The following FAXC variants were observed in gnomAD, a reference collection of about 807,000 sequenced individuals.
FAXC encodes failed axon connections homolog.
FAXC carries 10 observed loss-of-function variants against 41.9 expected under a neutral mutation model. The ratio of observed to expected loss-of-function variants is 0.24; its 90% CI spans 0.15 to 0.41. The LOEUF (loss-of-function observed/expected upper bound fraction) is 0.41. FAXC is among the 10% of genes least tolerant of loss of function. The pLI is 1.00. For synonymous variants in FAXC, 183 were observed against 183.8 expected (o/e 1.00, Z 0.03); for missense variants, 399 against 510.9 (o/e 0.78, Z 2.11).
intron 4 of FAXC, among the ~76,000 whole-genome samples, chr6:99,302,198 A>G (rs771064225): frequency 1.3e-5 from 2 of 152,238 alleles, no homozygotes; most frequent in African/African-American, 2.4e-5. Context: ...ATTTCTTGCC[A>G]CATGGACCTC....
In FAXC at chr6:99,275,324, A is replaced by G. The variant is rs1189323399; in HGVS notation, c.*5840T>C. ...ATTCTTTGCTAAAATTATTGTGTAC[A>G]GAACACCAAAGTACCGTATCCATCT... On this transcript the variant is annotated 3_prime_UTR_variant, in exon 6 of 6. Transcript: ENST00000389677. The G allele has an allele frequency of 6.6e-6, 1 of 152,240 alleles. No individual in the cohort carries two copies. Among genetic ancestry groups the G allele is most frequent in the Admixed American group, 6.5e-5 (1 of 15,286 alleles). 9.4% of individuals were successfully genotyped at this position (152,240 alleles called of 1,614,324 possible).
At chr6:99,296,860 C>T (rs1240928742) in intron 4 of FAXC, among the ~76,000 whole-genome samples, 1 of 152,120 alleles carries the variant, frequency 6.6e-6, no homozygotes. Flanking sequence ...TGGAAAATGA[C>T]AGTTGGCCCT....
intron 5 of FAXC, among the ~76,000 whole-genome samples, chr6:99,282,069 G>GA (rs1001160903): frequency 6.6e-6 from 1 of 152,314 alleles, no homozygotes; most frequent in African/African-American, 2.4e-5. Context: ...ATGAAATGAA[G>GA]AAGTGAGTCC....
chr6:99,281,480 T>C, intron 5 of FAXC, 27 bp from the exon 6 acceptor site: 1 of 1,565,858 alleles, frequency 6.4e-7, no homozygotes, highest in Non-Finnish European at 8.8e-7. Flanking sequence ...AAAGCAAGGA[T>C]TAGTTCTCAA....
At chr6:99,340,670 T>A (rs1773391954) in intron 2 of FAXC, among the ~76,000 whole-genome samples, 2 of 57,060 alleles carry the variant, frequency 3.5e-5, no homozygotes, top group Non-Finnish European at 6.8e-5. Context: ...AAATTCCTTT[T>A]TTTTTTTTTT....
intron 4 of FAXC, among the ~76,000 whole-genome samples, chr6:99,306,316 C>A (rs1771918649): frequency 6.6e-6 from 1 of 152,090 alleles, no homozygotes; most frequent in Non-Finnish European, 1.5e-5. Flanking sequence ...TTTGAAAGCC[C>A]AGTGGAAATG....
chr6:99,304,309 T>C (rs917731911), intron 4 of FAXC, among the ~76,000 whole-genome samples: 1 of 150,538 alleles, frequency 6.6e-6, no homozygotes, highest in African/African-American at 2.4e-5. Flanking sequence ...ATAAATAAAA[T>C]AATTTAAAAA....
At chr6:99,342,634 G>T (rs746914172) in intron 2 of FAXC, among the ~76,000 whole-genome samples, 1 of 152,186 alleles carries the variant, frequency 6.6e-6, no homozygotes, top group African/African-American at 2.4e-5. Context: ...GTGAACCACC[G>T]TGCCCAGCCC....
chr6:99,325,440 T>C (rs1772764057), intron 3 of FAXC, among the ~76,000 whole-genome samples: 1 of 152,228 alleles, frequency 6.6e-6, no homozygotes. Flanking sequence ...TGTGACTCTT[T>C]TGGTAAGTCT....
At chr6:99,283,688 C>T (rs1770914360) in intron 5 of FAXC, among the ~76,000 whole-genome samples, 2 of 152,110 alleles carry the variant, frequency 1.3e-5, no homozygotes. Flanking sequence ...AACGCCTCAC[C>T]AGGTATTGCT....
At position 99,325,652 on chromosome 6, in the gene FAXC, A is replaced by G. The variant is rs571965745; in HGVS notation, c.600-1985T>C. ...TACTTGCTCCTTTTTTCACACCTGC[A>G]GTAATTAAGATGACAATTTTCACGT... On this transcript the variant is annotated intron_variant, in intron 3 of 5. Coordinates refer to ENST00000389677, the MANE Select transcript of FAXC (RefSeq NM_032511.4). 1.6e-4 allele frequency among the ~76,000 whole-genome samples: 24 copies of G among 152,332 alleles called. 1 individual carries two copies. The highest frequency in any genetic ancestry group is 1.9e-4 in the East Asian group (1 of 5,190).
intron 3 of FAXC, among the ~76,000 whole-genome samples, chr6:99,325,541 C>T (rs4840031): frequency 0.066 from 10,089 of 152,292 alleles, 568 homozygotes; most frequent in Admixed American, 0.19. Flanking sequence ...TGTGTATAGT[C>T]GGAGCATTCC....
chr6:99,311,594 C>A (rs758746903), intron 4 of FAXC, among the ~76,000 whole-genome samples: 11 of 152,132 alleles, frequency 7.2e-5, no homozygotes, highest in East Asian at 1.9e-4. Flanking sequence ...TAAATAAATA[C>A]ATACATACAT....
intron 3 of FAXC, among the ~76,000 whole-genome samples, chr6:99,327,212 A>G (rs1772847489): frequency 6.6e-6 from 1 of 152,204 alleles, no homozygotes; most frequent in Non-Finnish European, 1.5e-5. Context: ...TTAAGGGTTG[A>G]GGCCAGTGAA....
intron 4 of FAXC, among the ~76,000 whole-genome samples, chr6:99,312,918 T>TA (rs1194872292): frequency 6.6e-6 from 1 of 152,164 alleles, no homozygotes; most frequent in African/African-American, 2.4e-5. Flanking sequence ...TCATATTATT[T>TA]AAAAAACAAA....
chr6:99,345,636 G>A (rs984006990), intron 1 of FAXC, among the ~76,000 whole-genome samples: 15 of 152,166 alleles, frequency 9.9e-5, no homozygotes, highest in Admixed American at 2.6e-4. Context: ...CGGGGCTAAC[G>A]ATACCACAGA....
chr6:99,342,840 A>T (rs1773470966), intron 2 of FAXC, 58 bp downstream of exon 2: 1 of 1,512,330 alleles, frequency 6.6e-7, no homozygotes, highest in African/African-American at 1.4e-5. Flanking sequence ...CCCTTTAGTT[A>T]AATACTCATC....
chr6:99,282,065 TGAA>T (rs1252920365), intron 5 of FAXC, among the ~76,000 whole-genome samples: 1 of 152,142 alleles, frequency 6.6e-6, no homozygotes. Context: ...CTGAATGAAA[TGAA>T]GAAGTGAGTC....
rs184068350 is a variant in FAXC, at chr6:99,280,061, A to G, written c.*1103T>C. ...GAAACCTGCCATATACCTGAGATTT[A>G]TTCTTCTCAAATAAATCAAACATAG... On this transcript the variant is annotated 3_prime_UTR_variant, in exon 6 of 6. Transcript: ENST00000389677. 5 of 152,332 alleles carry G rather than the reference A, an allele frequency of 3.3e-5. No homozygotes were observed. The highest frequency in any genetic ancestry group is 9.6e-5 in the African/African-American group (4 of 41,572). 9.4% of individuals were successfully genotyped at this position (152,332 alleles called of 1,614,324 possible). A position where few individuals can be genotyped will look rare whatever the true frequency, so the allele number is the denominator to read the frequency against.
Sources: gnomAD v4.1 joint callset for allele counts (sites outside exome capture counted in the v4.1 genomes callset) on GRCh38, gnomAD v4.1.1 for gene constraint, MANE v1.5 for transcripts, NCBI Gene and HGNC (gene_info 2026-07-23, HGNC 2026-07-21) for gene names.